The following SNTB1 variants were observed in gnomAD, a reference collection of about 807,000 sequenced individuals.
SNTB1 encodes syntrophin beta 1.
SNTB1 carries 36 observed loss-of-function variants against 48.9 expected under a neutral mutation model. The observed-to-expected ratio is 0.74, with a 90% confidence interval of 0.56 to 0.97. SNTB1 has a LOEUF of 0.97. Among genes scored for constraint, SNTB1 ranks in the 50% least tolerant of loss-of-function variants. SNTB1 has a pLI of 0.00. For missense variants in SNTB1, 786 were observed against 703.4 expected (o/e 1.12, Z -1.33); for synonymous variants, 299 against 294.6 (o/e 1.01, Z -0.15).
At chr8:120,728,141 C>G (rs12542152) in intron 1 of SNTB1, among the ~76,000 whole-genome samples, 16,074 of 152,074 alleles carry the variant, frequency 0.11, 1,048 homozygotes, top group East Asian at 0.18. Flanking sequence ...TTCTCCCACC[C>G]CAGCCTTCTG....
intron 1 of SNTB1, among the ~76,000 whole-genome samples, chr8:120,795,281 T>C (rs1373006904): frequency 1.3e-5 from 2 of 149,680 alleles, no homozygotes; most frequent in African/African-American, 4.9e-5. Context: ...AAAAAGAAAA[T>C]GGAGAAGTTG....
chr8:120,741,306 G>A (rs1819036879), intron 1 of SNTB1, among the ~76,000 whole-genome samples: 1 of 152,202 alleles, frequency 6.6e-6, no homozygotes, highest in Middle Eastern at 3.2e-3. Context: ...GATACATGTG[G>A]TTAGAAGTAT....
At chr8:120,782,082 T>G (rs1180720623) in intron 1 of SNTB1, among the ~76,000 whole-genome samples, 2 of 152,216 alleles carry the variant, frequency 1.3e-5, no homozygotes, top group Non-Finnish European at 2.9e-5. Context: ...GGAACTGTCC[T>G]GGGCCTCTCT....
intron 1 of SNTB1, among the ~76,000 whole-genome samples, chr8:120,738,110 A>G (rs918215458): frequency 3.3e-5 from 5 of 152,170 alleles, no homozygotes; most frequent in Non-Finnish European, 7.3e-5. Context: ...TTCTTGTAAA[A>G]GAGGCCTGAG....
At chr8:120,734,961 A>T (rs1818918541) in intron 1 of SNTB1, among the ~76,000 whole-genome samples, 1 of 152,252 alleles carries the variant, frequency 6.6e-6, no homozygotes, top group Non-Finnish European at 1.5e-5. Context: ...CCATAAAAGA[A>T]CTTGTGAAGT....
At chr8:120,659,051 C>T (rs1405519484) in intron 2 of SNTB1, among the ~76,000 whole-genome samples, 1 of 151,950 alleles carries the variant, frequency 6.6e-6, no homozygotes, top group Non-Finnish European at 1.5e-5. Flanking sequence ...GCAACCTCCA[C>T]CCCCTGGGTT....
chr8:120,637,248 G>T, intron 2 of SNTB1: 1 of 344,680 alleles, frequency 2.9e-6, no homozygotes, highest in South Asian at 3.6e-5. Flanking sequence ...AATAAGATGG[G>T]AAAAAGTCTG....
At chr8:120,763,259 G>A (rs773993750) in intron 1 of SNTB1, among the ~76,000 whole-genome samples, 2 of 152,206 alleles carry the variant, frequency 1.3e-5, no homozygotes, top group Non-Finnish European at 2.9e-5. Flanking sequence ...TTGGAAAGTA[G>A]ATAGAGGACT....
intron 3 of SNTB1, among the ~76,000 whole-genome samples, chr8:120,623,769 G>C (rs1587040685): frequency 1.3e-5 from 2 of 152,298 alleles, no homozygotes; most frequent in South Asian, 2.1e-4. Context: ...AAATCATTGT[G>C]TTTTGACCAA....
intron 3 of SNTB1, among the ~76,000 whole-genome samples, chr8:120,621,531 A>C (rs954392583): frequency 6.6e-6 from 1 of 152,254 alleles, no homozygotes; most frequent in African/African-American, 2.4e-5. Flanking sequence ...TTTGTGAGCC[A>C]AAATAAAGTA....
chr8:120,631,317 G>T (rs1384736338), intron 3 of SNTB1, among the ~76,000 whole-genome samples: 2 of 152,154 alleles, frequency 1.3e-5, no homozygotes, highest in East Asian at 3.9e-4. Flanking sequence ...CCTACCACCA[G>T]CATTGTCCCT....
chr8:120,609,698 CA>C (rs1816589183), intron 3 of SNTB1, among the ~76,000 whole-genome samples: 1 of 152,088 alleles, frequency 6.6e-6, no homozygotes, highest in Non-Finnish European at 1.5e-5. Context: ...AAAAAACCAA[CA>C]AAAACAAATA....
chr8:120,753,946 C>A (rs773814622), intron 1 of SNTB1, among the ~76,000 whole-genome samples: 1 of 152,146 alleles, frequency 6.6e-6, no homozygotes, highest in African/African-American at 2.4e-5. Context: ...ACTGATCCTG[C>A]AATCATAGAT....
intron 1 of SNTB1, among the ~76,000 whole-genome samples, chr8:120,751,948 G>A (rs57612767): frequency 0.13 from 19,768 of 152,126 alleles, 1,670 homozygotes; most frequent in African/African-American, 0.23. Context: ...ACACAGCTCA[G>A]CATGTCATTT....
chr8:120,734,290 A>G (rs1362438847), intron 1 of SNTB1, among the ~76,000 whole-genome samples: 2 of 152,022 alleles, frequency 1.3e-5, no homozygotes, highest in African/African-American at 4.8e-5. Flanking sequence ...CTAAAAATAC[A>G]AAAAATTATA....
intron 1 of SNTB1, among the ~76,000 whole-genome samples, chr8:120,741,182 T>C (rs1011151844): frequency 6.6e-6 from 1 of 152,216 alleles, no homozygotes; most frequent in Non-Finnish European, 1.5e-5. Flanking sequence ...ATGATCATAT[T>C]AGAGATTCAT....
In SNTB1 at chr8:120,578,304, G is replaced by A. The variant is rs569086523; in HGVS notation, c.997-3079C>T. The stretch of plus-strand genomic sequence containing the variant: ...ATCTGCCTGCCTCGGGAACAACAGG[G>A]TTTTAAAAGCCATACCTTGTGCTAC... On this transcript the variant is annotated intron_variant, in intron 3 of 6. Coordinates refer to ENST00000517992, the MANE Select transcript of SNTB1 (RefSeq NM_021021.4). Among the ~76,000 whole-genome samples the A allele has an allele frequency of 3.9e-5, 6 of 152,124 alleles. 1 individual carries two copies. Among genetic ancestry groups the A allele is most frequent in the African/African-American group, 1.4e-4 (6 of 41,500 alleles).
At chr8:120,710,930 A>G (rs75464185) in intron 1 of SNTB1, among the ~76,000 whole-genome samples, 1,821 of 152,352 alleles carry the variant, frequency 0.012, 33 homozygotes, top group African/African-American at 0.042. Context: ...GTTAAAACGC[A>G]ACTCTTCCTG....
At chr8:120,646,019 C>A (rs1343868777) in intron 2 of SNTB1, among the ~76,000 whole-genome samples, 1 of 150,330 alleles carries the variant, frequency 6.7e-6, no homozygotes, top group East Asian at 1.9e-4. Context: ...GATTTTGTAT[C>A]CTGAGACTTT....
Sources: gnomAD v4.1 joint callset for allele counts (sites outside exome capture counted in the v4.1 genomes callset) on GRCh38, gnomAD v4.1.1 for gene constraint, MANE v1.5 for transcripts, NCBI Gene and HGNC (gene_info 2026-07-23, HGNC 2026-07-21) for gene names.